The following CHRNA7 variants were observed in gnomAD, a reference collection of about 807,000 sequenced individuals.
The protein encoded by CHRNA7 is neuronal acetylcholine receptor subunit alpha-7.
CHRNA7 carries 17 observed loss-of-function variants against 48.0 expected under a neutral mutation model. The ratio of observed to expected loss-of-function variants is 0.35; its 90% CI spans 0.24 to 0.53. CHRNA7 has a LOEUF of 0.53. Ranked by LOEUF, CHRNA7 falls within the 20% of genes least tolerant of loss-of-function variation. The pLI is 0.92. For missense variants in CHRNA7, 155 were observed against 577.7 expected (o/e 0.27, Z 7.50); for synonymous variants, 75 against 242.3 (o/e 0.31, Z 6.41).
chr15:32,073,744 CCTCT>C (rs1299014922), intron 2 of CHRNA7, among the ~76,000 whole-genome samples: 1 of 152,052 alleles, frequency 6.6e-6, no homozygotes, highest in Non-Finnish European at 1.5e-5. Context: ...CACCACTTGC[CCTCT>C]ATCTTGCTCC....
chr15:32,136,769 C>T (rs374107599), intron 4 of CHRNA7, among the ~76,000 whole-genome samples: 4 of 151,870 alleles, frequency 2.6e-5, no homozygotes, highest in Non-Finnish European at 2.9e-5. Flanking sequence ...CGGTGGCTGA[C>T]GCCTGTAATC....
intron 2 of CHRNA7, among the ~76,000 whole-genome samples, chr15:32,056,090 A>G (rs1406477890): frequency 6.6e-6 from 1 of 152,088 alleles, no homozygotes; most frequent in Non-Finnish European, 1.5e-5. Flanking sequence ...CCTTTTGTAA[A>G]CTTTCAATTG....
chr15:32,048,951 T>A (rs1313193471), intron 2 of CHRNA7, among the ~76,000 whole-genome samples: 1 of 150,102 alleles, frequency 6.7e-6, no homozygotes, highest in Non-Finnish European at 1.5e-5. Context: ...CAGGAGCAGG[T>A]TGTTCAGTTT....
intron 2 of CHRNA7, among the ~76,000 whole-genome samples, chr15:32,050,095 C>A (rs1277647472): frequency 4.6e-5 from 7 of 152,014 alleles, no homozygotes; most frequent in South Asian, 4.2e-4. Context: ...CTTTCATTTC[C>A]ACTTTGGTGA....
chr15:32,053,376 A>G (rs974866447), intron 2 of CHRNA7, among the ~76,000 whole-genome samples: 1 of 152,228 alleles, frequency 6.6e-6, no homozygotes, highest in Non-Finnish European at 1.5e-5. Context: ...AATCAGGATT[A>G]GGTAGTGTTT....
At chr15:32,040,856 G>T (rs2049435929) in intron 2 of CHRNA7, among the ~76,000 whole-genome samples, 1 of 151,094 alleles carries the variant, frequency 6.6e-6, no homozygotes, top group South Asian at 2.1e-4. Flanking sequence ...TTCAAGGCAG[G>T]TCTGCTTGAA....
At chr15:32,118,092 G>A (rs2050904263) in intron 4 of CHRNA7, among the ~76,000 whole-genome samples, 2 of 152,178 alleles carry the variant, frequency 1.3e-5, no homozygotes, top group African/African-American at 2.4e-5. Context: ...TGGATTAATG[G>A]ATCAATAGGA....
intron 2 of CHRNA7, among the ~76,000 whole-genome samples, chr15:32,057,558 C>G (rs141219497): frequency 1.3e-5 from 2 of 152,238 alleles, no homozygotes; most frequent in African/African-American, 4.8e-5. Context: ...TTTTGAAAAT[C>G]AATTGGCCAA....
chr15:32,077,914 A>AG (rs1317915077), intron 2 of CHRNA7, among the ~76,000 whole-genome samples: 2 of 152,188 alleles, frequency 1.3e-5, no homozygotes, highest in African/African-American at 4.8e-5. Flanking sequence ...CATTACCAGG[A>AG]GGATAGTACC....
At chr15:32,070,822 G>T (rs985032483) in intron 2 of CHRNA7, among the ~76,000 whole-genome samples, 1 of 151,656 alleles carries the variant, frequency 6.6e-6, no homozygotes, top group Non-Finnish European at 1.5e-5. Context: ...GAGTAGCTGG[G>T]ACTACAGGCA....
chr15:32,135,183 C>A (rs1164321088), intron 4 of CHRNA7, among the ~76,000 whole-genome samples: 1 of 152,308 alleles, frequency 6.6e-6, no homozygotes, highest in South Asian at 2.1e-4. Context: ...GGGATAGGTG[C>A]TCCCATACAC....
intron 2 of CHRNA7, among the ~76,000 whole-genome samples, chr15:32,063,046 A>G (rs2049905038): frequency 6.6e-6 from 1 of 152,202 alleles, no homozygotes; most frequent in African/African-American, 2.4e-5. Flanking sequence ...GAAAAGGTGT[A>G]GTAAAAATAC....
chr15:32,118,186 C>T (rs1208250955), intron 4 of CHRNA7, among the ~76,000 whole-genome samples: 1 of 152,164 alleles, frequency 6.6e-6, no homozygotes, highest in East Asian at 1.9e-4. Context: ...CCATGCGATG[C>T]CTGGTACCAC....
chr15:32,065,357 G>A (rs563364018), intron 2 of CHRNA7, among the ~76,000 whole-genome samples: 14 of 152,292 alleles, frequency 9.2e-5, no homozygotes, highest in South Asian at 4.1e-4. Context: ...GGTCTGTCTG[G>A]TGGTTCAGTA....
At chr15:32,106,375 A>T (rs1230083795) in intron 3 of CHRNA7, among the ~76,000 whole-genome samples, 1 of 152,210 alleles carries the variant, frequency 6.6e-6, no homozygotes, top group Non-Finnish European at 1.5e-5. Flanking sequence ...TGGAAAAGGC[A>T]GAAAGGTAAA....
Position 32,168,753 on chromosome 15 carries a change from A to AGTTTTTTAAT in CHRNA7, c.*296_*297insTTTTTTAATG. 13 of 87,510 alleles carry AGTTTTTTAAT rather than the reference A, an allele frequency of 1.5e-4. No individual in the cohort carries two copies. Among genetic ancestry groups the AGTTTTTTAAT allele is most frequent in the African/African-American group, 1.8e-4 (1 of 5,694 alleles). 5.4% of individuals were successfully genotyped at this position (87,510 alleles called of 1,614,324 possible). A position where few individuals can be genotyped will look rare whatever the true frequency, so the allele number is the denominator to read the frequency against. On this transcript the variant is annotated 3_prime_UTR_variant, in exon 10 of 10. Transcript: ENST00000306901. ...GCCCACTGCCTGGAAAGCCCTTCGG[A>AGTTTTTTAAT]GAGCTCCCCATGGCTCCTCACCACC...
chr15:32,096,014 C>G (rs1005872379), intron 2 of CHRNA7, among the ~76,000 whole-genome samples: 4 of 152,198 alleles, frequency 2.6e-5, no homozygotes, highest in Non-Finnish European at 4.4e-5. Context: ...TTATGCATTC[C>G]TCTTCTCCTT....
chr15:32,059,081 G>A (rs2141201312), intron 2 of CHRNA7, among the ~76,000 whole-genome samples: 1 of 151,880 alleles, frequency 6.6e-6, no homozygotes. Flanking sequence ...TTGGCTCACT[G>A]CAACCTCCGC....
chr15:32,100,738 T>C (rs2050556434), intron 2 of CHRNA7: 1 of 154,810 alleles, frequency 6.5e-6, no homozygotes, highest in Admixed American at 6.5e-5. Context: ...AAGAGCCCGA[T>C]GTGCCTCCTA....
Sources: gnomAD v4.1 joint callset for allele counts (sites outside exome capture counted in the v4.1 genomes callset) on GRCh38, gnomAD v4.1.1 for gene constraint, MANE v1.5 for transcripts, NCBI Gene and HGNC (gene_info 2026-07-23, HGNC 2026-07-21) for gene names.